The following ROR1 variants were observed in gnomAD, a reference collection of about 807,000 sequenced individuals.
The protein encoded by ROR1 is inactive tyrosine-protein kinase transmembrane receptor ROR1.
In ROR1, 19 loss-of-function variants were observed where a neutral mutation model predicts 78.8. That is an observed-to-expected ratio of 0.24 (90% CI 0.17 to 0.35). ROR1 has a LOEUF of 0.35. ROR1 is among the 10% of genes least tolerant of loss of function. The probability of loss-of-function intolerance (pLI) is 1.00; values close to 1 mark genes in which losing one functional copy is unlikely to be tolerated. For synonymous variants in ROR1, 386 were observed against 433.6 expected (o/e 0.89, Z 1.36); for missense variants, 917 against 1,177.8 (o/e 0.78, Z 3.24).
In ROR1 at chr1:64,130,891, G is replaced by C. The variant is rs558351490; in HGVS notation, c.483-6478G>C. 7.2e-5 allele frequency among the ~76,000 whole-genome samples: 11 copies of C among 152,282 alleles called. No individual in the cohort carries two copies. In the South Asian group the frequency reaches 2.3e-3, roughly 32 times the overall value. On this transcript the variant is annotated intron_variant, in intron 4 of 8. Coordinates refer to ENST00000371079, the MANE Select transcript of ROR1 (RefSeq NM_005012.4). ...AAGGGAGAAGAACGCTGCCTCTGAA[G>C]TGGGAAGCTTCACACTCAGCTCGAG...
intron 1 of ROR1, among the ~76,000 whole-genome samples, chr1:63,868,643 G>T (rs755235023): frequency 1.3e-5 from 2 of 152,186 alleles, no homozygotes; most frequent in Non-Finnish European, 2.9e-5. Context: ...TTGACAAATG[G>T]CTGCTCTTAT....
intron 1 of ROR1, among the ~76,000 whole-genome samples, chr1:63,948,780 T>C (rs1309923065): frequency 6.6e-6 from 1 of 152,202 alleles, no homozygotes; most frequent in Admixed American, 6.5e-5. Flanking sequence ...TTATTCTTTC[T>C]GCCATGAGAT....
intron 1 of ROR1, among the ~76,000 whole-genome samples, chr1:63,963,501 G>A (rs1280581333): frequency 2.0e-5 from 3 of 151,620 alleles, no homozygotes; most frequent in African/African-American, 7.3e-5. Flanking sequence ...CCTGGGAGGT[G>A]GAAGTTGCAG....
intron 1 of ROR1, among the ~76,000 whole-genome samples, chr1:63,914,011 G>A (rs192865618): frequency 6.6e-6 from 1 of 152,294 alleles, no homozygotes; most frequent in Non-Finnish European, 1.5e-5. Context: ...AAGTTCCTAT[G>A]CCTGTGTCAG....
intron 1 of ROR1, among the ~76,000 whole-genome samples, chr1:63,851,925 C>A (rs1217659893): frequency 6.6e-6 from 1 of 152,182 alleles, no homozygotes; most frequent in Non-Finnish European, 1.5e-5. Flanking sequence ...TGGCATCTTA[C>A]CTAAAAGCAG....
At chr1:64,032,449 C>A (rs1290455960) in intron 2 of ROR1, among the ~76,000 whole-genome samples, 1 of 151,688 alleles carries the variant, frequency 6.6e-6, no homozygotes, top group African/African-American at 2.4e-5. Context: ...GGAATAAATA[C>A]CATCAAAACA....
intron 1 of ROR1, among the ~76,000 whole-genome samples, chr1:63,887,686 A>C (rs1645366577): frequency 6.6e-6 from 1 of 152,154 alleles, no homozygotes; most frequent in South Asian, 2.1e-4. Context: ...AAAGGGTTAC[A>C]GTTCTTTGGG....
chr1:63,997,879 G>A (rs930753320), intron 1 of ROR1, among the ~76,000 whole-genome samples: 2 of 151,038 alleles, frequency 1.3e-5, no homozygotes, highest in Admixed American at 6.6e-5. Context: ...CTGCTACTTC[G>A]CTAAAAGTTT....
chr1:63,953,151 G>A (rs149155800), intron 1 of ROR1, among the ~76,000 whole-genome samples: 41 of 152,336 alleles, frequency 2.7e-4, no homozygotes, highest in African/African-American at 9.9e-4. Context: ...ATACTCCAAT[G>A]TGCCAAGTGG....
At chr1:64,141,038 G>A (rs543961882) in intron 6 of ROR1, among the ~76,000 whole-genome samples, 1 of 152,236 alleles carries the variant, frequency 6.6e-6, no homozygotes, top group East Asian at 1.9e-4. Context: ...CCAGGCTAGG[G>A]GTAGTGGAGA....
At position 64,156,894 on chromosome 1, in the gene ROR1, G is replaced by A. The variant is rs188710593; in HGVS notation, c.1175-2087G>A. ...GTGAAGTGTAGTAGCTAGAATGGTG[G>A]GCAAAAAGCAAGACCGACGATGGAA... On this transcript the variant is annotated intron_variant, in intron 7 of 8. Coordinates refer to ENST00000371079, the MANE Select transcript of ROR1 (RefSeq NM_005012.4). Among the ~76,000 whole-genome samples the A allele has an allele frequency of 4.5e-4, 69 of 152,092 alleles. 1 individual carries two copies. Among genetic ancestry groups the A allele is most frequent in the Non-Finnish European group, 1.6e-4 (11 of 67,986 alleles).
At chr1:64,017,700 C>T (rs748088332) in intron 2 of ROR1, among the ~76,000 whole-genome samples, 14 of 152,168 alleles carry the variant, frequency 9.2e-5, no homozygotes, top group Non-Finnish European at 1.5e-4. Context: ...CCTAGAGGAA[C>T]GAGGCCCTGT....
At position 64,080,547 on chromosome 1, in the gene ROR1, C is replaced by A. The variant is rs542312221; in HGVS notation, c.482+29831C>A. 2.3e-3 allele frequency among the ~76,000 whole-genome samples: 353 copies of A among 152,338 alleles called. 3 individuals carry two copies. The highest frequency in any genetic ancestry group is 8.2e-3 in the African/African-American group (339 of 41,588). ...CTCTGTGAACTCTACCCCCACCCAT[C>A]CCGTTCTTCATGCTGTAGCAATAAG... On this transcript the variant is annotated intron_variant, in intron 4 of 8. Coordinates refer to ENST00000371079, the MANE Select transcript of ROR1 (RefSeq NM_005012.4).
chr1:64,047,914 A>G (rs1646797209), intron 2 of ROR1, among the ~76,000 whole-genome samples: 1 of 152,232 alleles, frequency 6.6e-6, no homozygotes, highest in Admixed American at 6.5e-5. Flanking sequence ...GGAAAGTGTC[A>G]TTATGGTAAT....
intron 1 of ROR1, among the ~76,000 whole-genome samples, chr1:63,840,807 G>A (rs970699472): frequency 6.6e-6 from 1 of 152,156 alleles, no homozygotes; most frequent in Non-Finnish European, 1.5e-5. Context: ...GTGAACCGGA[G>A]TAAGTTACTT....
intron 1 of ROR1, among the ~76,000 whole-genome samples, chr1:63,819,790 A>T (rs1644913408): frequency 6.6e-6 from 1 of 152,222 alleles, no homozygotes; most frequent in Non-Finnish European, 1.5e-5. Flanking sequence ...AAGTGGGATT[A>T]TTAATACCTA....
At chr1:63,890,546 T>A (rs10489737) in intron 1 of ROR1, among the ~76,000 whole-genome samples, 5,439 of 151,788 alleles carry the variant, frequency 0.036, 320 homozygotes, top group African/African-American at 0.13. Flanking sequence ...AGGTAATCTT[T>A]GATTTGTCAG....
intron 1 of ROR1, among the ~76,000 whole-genome samples, chr1:63,854,310 G>T (rs190387858): frequency 2.7e-4 from 41 of 152,300 alleles, no homozygotes; most frequent in African/African-American, 9.6e-4. Context: ...GTGGCTGATT[G>T]CTTGGCAGGA....
Position 64,179,487 on chromosome 1 carries a change from T to G in ROR1, c.*632T>G, listed in dbSNP as rs1467747668. On this transcript the variant is annotated 3_prime_UTR_variant, in exon 9 of 9. Transcript: ENST00000371079. Reference sequence around the variant, plus strand: ...TGGGAAGGTGTAGAGTGTGCCTTTTTGTGAATCCTCCTCTGATCATGAGGG... The same window carrying G: ...TGGGAAGGTGTAGAGTGTGCCTTTTGGTGAATCCTCCTCTGATCATGAGGG... The G allele has an allele frequency of 6.6e-6, 1 of 152,470 alleles. No homozygotes were observed. The highest frequency in any genetic ancestry group is 1.9e-4 in the East Asian group (1 of 5,204). 9.4% of individuals were successfully genotyped at this position (152,470 alleles called of 1,614,324 possible). A position where few individuals can be genotyped will look rare whatever the true frequency, so the allele number is the denominator to read the frequency against.
Sources: allele counts gnomAD v4.1 joint callset (sites outside exome capture counted in the v4.1 genomes callset), GRCh38; gene constraint gnomAD v4.1.1; transcripts MANE v1.5; gene names NCBI Gene and HGNC (gene_info 2026-07-23, HGNC 2026-07-21).